PROZ: variants seen among roughly 807,000 people sequenced by gnomAD.
The protein encoded by PROZ is protein Z, vitamin K dependent plasma glycoprotein, also known as vitamin K-dependent protein Z.
A neutral mutation model predicts 34.9 loss-of-function variants in PROZ; 46 were observed. That is an observed-to-expected ratio of 1.32 (90% CI 1.04 to 1.69). The LOEUF is 1.69. PROZ is among the 40% of genes most tolerant of loss of function. The probability of loss-of-function intolerance (pLI) is 0.00; values close to 1 mark genes in which losing one functional copy is unlikely to be tolerated. For synonymous variants in PROZ, 195 were observed against 208.5 expected, an observed-to-expected ratio of 0.94 and a Z score of 0.56; for missense variants, 530 against 520.4, an observed-to-expected ratio of 1.02 and a Z score of -0.18.
intron 6 of PROZ, among the ~76,000 whole-genome samples, chr13:113,169,619 CCAGGG>C (rs1380735398): frequency 2.0e-4 from 30 of 152,188 alleles, no homozygotes; most frequent in Non-Finnish European, 2.9e-4. Context: ...GTCAGTAGGA[CCAGGG>C]CAGCGCTCAA....
chr13:113,160,483 A>G (rs1418042222), intron 2 of PROZ, among the ~76,000 whole-genome samples: 3 of 152,214 alleles, frequency 2.0e-5, no homozygotes, highest in African/African-American at 7.2e-5. Context: ...TTCAAGTCTG[A>G]ATAATTCTCC....
intron 4 of PROZ, among the ~76,000 whole-genome samples, chr13:113,163,822 C>T (rs1248521219): frequency 2.6e-5 from 4 of 152,058 alleles, no homozygotes; most frequent in African/African-American, 9.6e-5. Flanking sequence ...ACCGATGTCA[C>T]ACTAACCCCC....
chr13:113,164,474 T>C, intron 4 of PROZ, 39 bp from the exon 5 acceptor site: 1 of 1,603,898 alleles, frequency 6.2e-7, no homozygotes. Context: ...AAATGACTAT[T>C]TCCAAGCTAG....
rs1214335991 is a variant in PROZ, at chr13:113,159,051, C to T, written c.70+321C>T. ...GGGGAGGCCTGGGTTGGGCATTGGACGAGGGGAGGGGGTGGGGCAGGCTGA... is the reference window on the plus strand; with the variant it reads ...GGGGAGGCCTGGGTTGGGCATTGGATGAGGGGAGGGGGTGGGGCAGGCTGA... On this transcript the variant is annotated intron_variant, in intron 1 of 7. Coordinates refer to ENST00000375547, the MANE Select transcript of PROZ (RefSeq NM_003891.3). The surrounding 1 kb of genome is among the most constrained non-coding windows in gnomAD (Gnocchi z 4.6). 105 of 385,164 alleles carry T rather than the reference C, an allele frequency of 2.7e-4. No individual in the cohort carries two copies. Among genetic ancestry groups the T allele is most frequent in the South Asian group, 2.4e-3 (48 of 20,264 alleles). 23.9% of individuals were successfully genotyped at this position (385,164 alleles called of 1,614,324 possible).
intron 4 of PROZ, among the ~76,000 whole-genome samples, chr13:113,164,298 C>T (rs1382325640): frequency 6.6e-6 from 1 of 152,056 alleles, no homozygotes; most frequent in Non-Finnish European, 1.5e-5. Context: ...AGTCTTTGTT[C>T]TACATGCACA....
intron 4 of PROZ, among the ~76,000 whole-genome samples, chr13:113,164,187 C>T (rs1357192724): frequency 5.3e-5 from 8 of 152,030 alleles, no homozygotes; most frequent in East Asian, 1.9e-4. Context: ...ACCATGTTGG[C>T]CAGGCTGGTC....
chr13:113,164,498 T>TC lies in PROZ; in HGVS notation c.374-15_374-14insC. The TC allele has an allele frequency of 6.7e-7, 1 of 1,484,978 alleles. No homozygotes were observed. The highest frequency in any genetic ancestry group is 9.0e-7 in the Non-Finnish European group (1 of 1,116,012). The allele number at this position is 1,484,978 out of a possible 1,614,324, so 92.0% of individuals were successfully genotyped here. On this transcript the variant is annotated splice_polypyrimidine_tract_variant and intron_variant, in intron 4 of 7. Transcript: ENST00000375547. Reference sequence around the variant, plus strand: ...TTTCCAAGCTAGCATTTCCTTTTTTTTTTTTCCTTTTCAGCTAAAAATGAA... The same window carrying TC: ...TTTCCAAGCTAGCATTTCCTTTTTTTCTTTTTCCTTTTCAGCTAAAAATGAA...
chr13:113,159,882 G>A lies in PROZ; in HGVS notation c.71-132G>A, dbSNP rs779171470. Reference sequence around the variant, plus strand: ...GAGGGAGTAGCGGGGTGGCCCTGAGGCCCTCGCAGGCTGAGAGCCTGTGGA... The same window carrying A: ...GAGGGAGTAGCGGGGTGGCCCTGAGACCCTCGCAGGCTGAGAGCCTGTGGA... On this transcript the variant is annotated intron_variant, in intron 1 of 7. Transcript: ENST00000375547. The surrounding 1 kb of genome is among the most constrained non-coding windows in gnomAD (Gnocchi z 4.6). 76 of 1,069,274 alleles carry A rather than the reference G, an allele frequency of 7.1e-5. No individual in the cohort carries two copies. The highest frequency in any genetic ancestry group is 1.1e-4 in the Non-Finnish European group (75 of 693,210). The allele number at this position is 1,069,274 out of a possible 1,614,324, so 66.2% of individuals were successfully genotyped here.
At position 113,160,963 on chromosome 13, in the gene PROZ, C is replaced by G. The variant is rs762972727; in HGVS notation, c.250C>G (p.Arg84Gly). ...AACTCTAAAGGATGAATTCTGGAGA[C>G]GATATAAGGGTAAGTGGTTTCCTTC... ...NEVVTDEFWRRYKGGSPCISQ... is the reference protein window; with the variant it reads ...NEVVTDEFWRGYKGGSPCISQ... Residue 84 changes from arginine (R) to glycine (G), a missense_variant, in exon 3 of 8, where the codon CGA (arginine) becomes GGA (glycine). Arg to Gly is a moderately radical substitution (Grantham distance 125). Coordinates refer to ENST00000375547, the MANE Select transcript of PROZ (RefSeq NM_003891.3). 1 of 1,605,470 alleles carries G rather than the reference C, an allele frequency of 6.2e-7. No individual in the cohort carries two copies. The highest frequency in any genetic ancestry group is 2.2e-5 in the East Asian group (1 of 44,852).
intron 6 of PROZ, chr13:113,166,485 T>C (rs186376189): frequency 6.6e-6 from 1 of 152,250 alleles, no homozygotes; most frequent in East Asian, 1.9e-4. Context: ...ACCCGACTCT[T>C]ACAAGACAGC....
At chr13:113,164,012 C>T (rs1467177811) in intron 4 of PROZ, among the ~76,000 whole-genome samples, 1 of 150,148 alleles carries the variant, frequency 6.7e-6, no homozygotes, top group Non-Finnish European at 1.5e-5. Flanking sequence ...TGGAGTCTCG[C>T]TCTGTCGCCA....
rs200021724 is a variant in PROZ, at chr13:113,160,062, G to A, written c.119G>A (p.Arg40His). 2.8e-5 allele frequency: 45 copies of A among 1,614,164 alleles called. No homozygotes were observed. Among genetic ancestry groups the A allele is most frequent in the African/African-American group, 1.3e-4 (10 of 75,068 alleles). ...AACGACGTTCTGGTGAGGTGGAAGC[G>A]TGCGGGCTCCTATCTTCTGGAAGAA... Reference protein sequence around the residue: ...KANDVLVRWKRAGSYLLEELF... With the variant: ...KANDVLVRWKHAGSYLLEELF... The change falls in exon 2 of 8, where the codon CGT becomes CAT. Residue 40 changes from arginine (R) to histidine (H), a missense_variant. Physicochemically the swap from Arg to His is conservative, Grantham distance 29. Transcript: ENST00000375547.
chr13:113,165,243 C>A, intron 6 of PROZ, 123 bp downstream of exon 6: 1 of 925,626 alleles, frequency 1.1e-6, no homozygotes, highest in Non-Finnish European at 1.7e-6. Flanking sequence ...GGGCTACTGA[C>A]TGCACTGACC....
At position 113,172,372 on chromosome 13, in the gene PROZ, G is replaced by T; in HGVS notation, c.*267G>T. ...GTTAAATAATAAAATAAGATAATCTGTCAGTCATAAAGCAGCCTGGTTTCC... is the reference window on the plus strand; with the variant it reads ...GTTAAATAATAAAATAAGATAATCTTTCAGTCATAAAGCAGCCTGGTTTCC... On this transcript the variant is annotated 3_prime_UTR_variant, in exon 8 of 8. Coordinates refer to ENST00000375547, the MANE Select transcript of PROZ (RefSeq NM_003891.3). The T allele has an allele frequency of 2.1e-6, 1 of 482,764 alleles. No homozygotes were observed. The highest frequency in any genetic ancestry group is 3.8e-6 in the Non-Finnish European group (1 of 265,716). 29.9% of individuals were successfully genotyped at this position (482,764 alleles called of 1,614,324 possible).
At chr13:113,162,979 A>T (rs754232727) in intron 3 of PROZ, 30 bp from the exon 4 acceptor site, 23 of 999,904 alleles carry the variant, frequency 2.3e-5, no homozygotes, top group African/African-American at 3.0e-5. Context: ...TCCTGTCACC[A>T]CCACCCCAAC....
intron 6 of PROZ, among the ~76,000 whole-genome samples, chr13:113,168,624 TTTAA>T (rs1452960472): frequency 6.6e-6 from 1 of 152,272 alleles, no homozygotes; most frequent in Non-Finnish European, 1.5e-5. Flanking sequence ...GGATTTTGAA[TTTAA>T]TTATACTGTG....
intron 3 of PROZ, among the ~76,000 whole-genome samples, chr13:113,161,888 A>C (rs373727823): frequency 8.9e-3 from 275 of 30,990 alleles, no homozygotes; most frequent in South Asian, 0.019. Context: ...CCACGTCCCC[A>C]CATCCTCCTC....
intron 4 of PROZ, 92 bp from the exon 5 acceptor site, chr13:113,164,421 T>G: frequency 6.2e-6 from 9 of 1,446,116 alleles, no homozygotes; most frequent in Non-Finnish European, 8.6e-6. Flanking sequence ...TGTGATAAAA[T>G]GAACATGGAC....
Position 113,172,266 on chromosome 13 carries a change from G to A in PROZ, c.*161G>A, listed in dbSNP as rs779594891. The A allele has an allele frequency of 3.7e-5, 36 of 976,640 alleles. No homozygotes were observed. The highest frequency in any genetic ancestry group is 5.6e-5 in the Non-Finnish European group (36 of 647,146). 60.5% of individuals were successfully genotyped at this position (976,640 alleles called of 1,614,324 possible). On this transcript the variant is annotated 3_prime_UTR_variant, in exon 8 of 8. Transcript: ENST00000375547. ...GCAGCAGCAGAGCCGCCGTTTGCTG[G>A]GTTGTTTACCGAGCACTGTGACCTT... is the stretch of plus-strand genomic sequence containing the variant.
Sources: gnomAD v4.1 joint callset for allele counts (sites outside exome capture counted in the v4.1 genomes callset) on GRCh38, gnomAD v4.1.1 for gene constraint, Gnocchi (gnomAD v3.1) non-coding constraint, MANE v1.5 for transcripts, NCBI Gene and HGNC (gene_info 2026-07-23, HGNC 2026-07-21) for gene names.